ZMYM4: variants seen among roughly 807,000 people sequenced by gnomAD.
ZMYM4 encodes the protein zinc finger MYM-type containing 4.
ZMYM4 carries 31 observed loss-of-function variants against 183.2 expected under a neutral mutation model. The observed-to-expected ratio is 0.17, with a 90% confidence interval of 0.13 to 0.23. The LOEUF is 0.23. Among genes scored for constraint, ZMYM4 ranks in the 10% least tolerant of loss-of-function variants. The pLI, the probability that ZMYM4 is intolerant of heterozygous loss-of-function variation, is 1.00. For missense variants in ZMYM4, 1,273 were observed against 1,840.3 expected, an observed-to-expected ratio of 0.69 and a Z score of 5.64; for synonymous variants, 592 against 631.2, an observed-to-expected ratio of 0.94 and a Z score of 0.93.
intron 27 of ZMYM4, 67 bp downstream of exon 27, chr1:35,414,150 T>C (rs1640020643): frequency 2.0e-6 from 2 of 993,836 alleles, no homozygotes; most frequent in Admixed American, 5.1e-5. Context: ...TTTTTGGTTA[T>C]CTTTAAAAAA....
intron 1 of ZMYM4, among the ~76,000 whole-genome samples, chr1:35,313,469 A>G (rs570170657): frequency 6.4e-4 from 96 of 150,824 alleles, no homozygotes; most frequent in Admixed American, 1.7e-3. Flanking sequence ...GCCCACTGCA[A>G]CGTCCACCTC....
chr1:35,343,863 C>CAA (rs548237524), intron 2 of ZMYM4, among the ~76,000 whole-genome samples: 12 of 121,218 alleles, frequency 9.9e-5, no homozygotes, highest in South Asian at 7.6e-4. Context: ...GACTCTGTCT[C>CAA]AAAAAAAAAA....
At chr1:35,273,319 TTTAA>T (rs1639710646) in intron 1 of ZMYM4, among the ~76,000 whole-genome samples, 3 of 152,156 alleles carry the variant, frequency 2.0e-5, no homozygotes, top group Admixed American at 6.5e-5. Context: ...TGGCATATTA[TTTAA>T]TTTTTTTAGA....
At chr1:35,371,728 C>A (rs569921) in intron 7 of ZMYM4, among the ~76,000 whole-genome samples, 2 of 152,144 alleles carry the variant, frequency 1.3e-5, no homozygotes, top group Non-Finnish European at 2.9e-5. Context: ...AAAAGATACT[C>A]CTCCTCCTAG....
At chr1:35,309,359 A>G (rs890025180) in intron 1 of ZMYM4, among the ~76,000 whole-genome samples, 1 of 152,184 alleles carries the variant, frequency 6.6e-6, no homozygotes, top group Admixed American at 6.5e-5. Flanking sequence ...CAACAAACAC[A>G]TATTTGTCCT....
chr1:35,333,404 C>T (rs906081867), intron 2 of ZMYM4, among the ~76,000 whole-genome samples: 1 of 151,804 alleles, frequency 6.6e-6, no homozygotes, highest in Non-Finnish European at 1.5e-5. Flanking sequence ...ACTACAGGTG[C>T]GCCACCACAC....
intron 1 of ZMYM4, chr1:35,309,026 A>G (rs1200321432): frequency 3.0e-6 from 3 of 985,340 alleles, no homozygotes; most frequent in Admixed American, 6.1e-5. Context: ...AAGACATGTT[A>G]GAATGGTATG....
At chr1:35,308,367 A>C (rs1641641967) in intron 1 of ZMYM4, among the ~76,000 whole-genome samples, 1 of 152,204 alleles carries the variant, frequency 6.6e-6, no homozygotes, top group African/African-American at 2.4e-5. Context: ...CACACAAATG[A>C]AATGCAATGG....
chr1:35,412,264 G>A (rs1639945362), intron 26 of ZMYM4, among the ~76,000 whole-genome samples: 3 of 152,026 alleles, frequency 2.0e-5, no homozygotes, highest in Admixed American at 2.0e-4. Context: ...GCTGCAACTT[G>A]GCTGGATTCA....
intron 28 of ZMYM4, 84 bp downstream of exon 28, chr1:35,415,798 A>C: frequency 6.6e-7 from 1 of 1,509,766 alleles, no homozygotes; most frequent in Non-Finnish European, 8.9e-7. Context: ...AGGTAATTAT[A>C]AATGCTAGAC....
chr1:35,341,482 CT>C (rs1380449747), intron 2 of ZMYM4, among the ~76,000 whole-genome samples: 2 of 151,564 alleles, frequency 1.3e-5, no homozygotes, highest in East Asian at 3.9e-4. Context: ...ATCAGTTGTT[CT>C]TTAGTACTTT....
In ZMYM4 at chr1:35,380,309, A is replaced by AT. The variant is rs201463997; in HGVS notation, c.1182-947dup. Among the ~76,000 whole-genome samples, 515 of 151,436 alleles carry AT rather than the reference A, an allele frequency of 3.4e-3. 2 individuals are homozygous for AT. Among genetic ancestry groups the AT allele is most frequent in the Non-Finnish European group, 4.8e-3 (325 of 67,818 alleles). ...AAAAATTGGTTTTTATTATTTATTTATTTATTTTATTTATTTATTTATTTA... is the reference window on the plus strand; with the variant it reads ...AAAAATTGGTTTTTATTATTTATTTATTTTATTTTATTTATTTATTTATTTA... On this transcript the variant is annotated intron_variant, in intron 7 of 29. Coordinates refer to ENST00000314607, the MANE Select transcript of ZMYM4 (RefSeq NM_005095.3).
chr1:35,326,692 C>T (rs1299584436), intron 2 of ZMYM4, among the ~76,000 whole-genome samples: 1 of 152,206 alleles, frequency 6.6e-6, no homozygotes, highest in Admixed American at 6.5e-5. Flanking sequence ...GTGCTTCACA[C>T]ACACACACCC....
chr1:35,325,524 T>A, intron 2 of ZMYM4, 119 bp downstream of exon 2: 1 of 909,486 alleles, frequency 1.1e-6, no homozygotes, highest in Non-Finnish European at 1.6e-6. Flanking sequence ...TGGTTCAATC[T>A]GATTTAGTCT....
intron 17 of ZMYM4, 146 bp from the exon 18 acceptor site, chr1:35,393,449 T>G: frequency 1.5e-6 from 1 of 661,198 alleles, no homozygotes; most frequent in Non-Finnish European, 2.4e-6. Flanking sequence ...AGGAGTATTG[T>G]ATTTCTTATA....
At chr1:35,390,235 C>G in intron 15 of ZMYM4, 137 bp downstream of exon 15, 1 of 1,011,132 alleles carries the variant, frequency 9.9e-7, no homozygotes, top group Non-Finnish European at 1.4e-6. Context: ...GTATCAATAA[C>G]ATTTAGCTTT....
At chr1:35,404,945 T>C in intron 23 of ZMYM4, 78 bp from the exon 24 acceptor site, 1 of 1,424,892 alleles carries the variant, frequency 7.0e-7, no homozygotes, top group Non-Finnish European at 9.5e-7. Context: ...ATGTATACCC[T>C]TTCCAGCTTT....
At chr1:35,274,469 T>C (rs962971640) in intron 1 of ZMYM4, among the ~76,000 whole-genome samples, 6 of 152,066 alleles carry the variant, frequency 3.9e-5, no homozygotes, top group Admixed American at 1.3e-4. Flanking sequence ...ACCCGAGGTT[T>C]AGTAGCCTCG....
chr1:35,346,665 A>AG (rs1643405705), intron 2 of ZMYM4, among the ~76,000 whole-genome samples: 1 of 151,232 alleles, frequency 6.6e-6, no homozygotes, highest in African/African-American at 2.4e-5. Context: ...AAAAAAAAAA[A>AG]AAAAAGAAAA....
Sources: gnomAD v4.1 joint callset for allele counts (sites outside exome capture counted in the v4.1 genomes callset) on GRCh38, gnomAD v4.1.1 for gene constraint, MANE v1.5 for transcripts, NCBI Gene and HGNC (gene_info 2026-07-23, HGNC 2026-07-21) for gene names.